The following INTS7 variants were observed in gnomAD, a reference collection of about 807,000 sequenced individuals.
INTS7 encodes chromosome 1 open reading frame 73.
A neutral mutation model predicts 109.2 loss-of-function variants in INTS7; 46 were observed. The ratio of observed to expected loss-of-function variants is 0.42; its 90% CI spans 0.33 to 0.54. INTS7 has a LOEUF of 0.54. INTS7 is among the 20% of genes least tolerant of loss of function. The pLI is 0.07. For missense variants in INTS7, 929 were observed against 1,132.4 expected (o/e 0.82, Z 2.58); for synonymous variants, 412 against 402.9 (o/e 1.02, Z -0.27).
intron 8 of INTS7, 145 bp downstream of exon 8, chr1:211,987,741 A>C (rs187604639): frequency 9.4e-4 from 415 of 439,306 alleles, no homozygotes; most frequent in Non-Finnish European, 1.4e-3. Context: ...TTAAGAAATC[A>C]TGTTCAAATA....
At chr1:211,984,126 A>G (rs981096113) in intron 8 of INTS7, among the ~76,000 whole-genome samples, 2 of 152,030 alleles carry the variant, frequency 1.3e-5, no homozygotes, top group Admixed American at 6.6e-5. Context: ...TTAGCCTCCC[A>G]AAGTGTAAGC....
At chr1:211,988,580 TAAC>T (rs1281679450) in intron 7 of INTS7, among the ~76,000 whole-genome samples, 1 of 152,128 alleles carries the variant, frequency 6.6e-6, no homozygotes, top group Non-Finnish European at 1.5e-5. Flanking sequence ...TGGTTAATAA[TAAC>T]AATGTATCAA....
At chr1:212,033,894 C>A (rs1667288147) in intron 1 of INTS7, among the ~76,000 whole-genome samples, 1 of 152,098 alleles carries the variant, frequency 6.6e-6, no homozygotes, top group Non-Finnish European at 1.5e-5. Context: ...ACCAGCCTGG[C>A]CAACATGGTG....
chr1:212,020,040 A>G (rs1666623712), intron 3 of INTS7, 82 bp downstream of exon 3: 1 of 1,008,298 alleles, frequency 9.9e-7, no homozygotes, highest in Non-Finnish European at 1.4e-6. Flanking sequence ...ACTCAAAATG[A>G]AAAATGTAAA....
At chr1:212,017,139 A>G (rs1666480002) in intron 3 of INTS7, 116 bp from the exon 4 acceptor site, 1 of 668,810 alleles carries the variant, frequency 1.5e-6, no homozygotes, top group Non-Finnish European at 2.4e-6. Flanking sequence ...AATTCTATGT[A>G]ACTCCAGTTA....
intron 1 of INTS7, among the ~76,000 whole-genome samples, chr1:212,025,061 C>G (rs1666860019): frequency 6.6e-6 from 1 of 152,180 alleles, no homozygotes; most frequent in Non-Finnish European, 1.5e-5. Context: ...AAACGTGTTC[C>G]CTGTGAGATG....
At chr1:212,005,111 C>T (rs1377209949) in intron 7 of INTS7, among the ~76,000 whole-genome samples, 1 of 151,956 alleles carries the variant, frequency 6.6e-6, no homozygotes, top group Non-Finnish European at 1.5e-5. Flanking sequence ...TTGCAATAGG[C>T]CCATGCGGAA....
At position 211,946,412 on chromosome 1, in the gene INTS7, G is replaced by A. The variant is rs1662848932; in HGVS notation, c.2415+195C>T. Reference sequence around the variant, plus strand: ...GCAGGAGAATCGCTTGAACCCGGAGGTTGCGGTGAGCCAAAATCACACCAC... The same window carrying A: ...GCAGGAGAATCGCTTGAACCCGGAGATTGCGGTGAGCCAAAATCACACCAC... On this transcript the variant is annotated intron_variant, in intron 18 of 19. Transcript: ENST00000366994. This position sits in a 1 kb window ranked among gnomAD's most constrained non-coding sequence, Gnocchi z 4.3. Among the ~76,000 whole-genome samples the A allele has an allele frequency of 6.6e-6, 1 of 152,192 alleles. No individual in the cohort carries two copies.
At chr1:212,025,145 C>T (rs542488260) in intron 1 of INTS7, among the ~76,000 whole-genome samples, 76 of 152,250 alleles carry the variant, frequency 5.0e-4, no homozygotes, top group African/African-American at 1.8e-3. Context: ...TAATAAACTG[C>T]GTGATTTGTG....
chr1:212,027,321 G>A (rs758888323), intron 1 of INTS7, among the ~76,000 whole-genome samples: 7 of 152,088 alleles, frequency 4.6e-5, no homozygotes, highest in Non-Finnish European at 8.8e-5. Flanking sequence ...GTATAAGAGG[G>A]GCTAGACATT....
In INTS7 at chr1:211,952,979, C is replaced by T. The variant is rs776776003; in HGVS notation, c.2184-278G>A. 3.9e-4 allele frequency among the ~76,000 whole-genome samples: 60 copies of T among 152,216 alleles called. No individual in the cohort carries two copies. In the Middle Eastern group the frequency reaches 0.01, roughly 26 times the overall value. On this transcript the variant is annotated intron_variant, in intron 16 of 19. Transcript: ENST00000366994. ...AGGAAATATGACAGTGTTACTGCCA[C>T]AGGTGAAAGAGACATAAACACATCT...
intron 1 of INTS7, among the ~76,000 whole-genome samples, chr1:212,024,220 G>T (rs1453152133): frequency 6.6e-6 from 1 of 151,780 alleles, no homozygotes; most frequent in Non-Finnish European, 1.5e-5. Context: ...AATTTTAGAA[G>T]AGTTTTTTTT....
chr1:211,953,476 T>C (rs1003639408), intron 16 of INTS7, among the ~76,000 whole-genome samples: 1 of 151,698 alleles, frequency 6.6e-6, no homozygotes, highest in East Asian at 1.9e-4. Flanking sequence ...TGTATACATG[T>C]GCCATGTTGG....
At position 212,020,112 on chromosome 1, in the gene INTS7, C is replaced by T. The variant is rs147646148; in HGVS notation, c.371+10G>A. 1,601 of 1,539,592 alleles carry T rather than the reference C, an allele frequency of 1.0e-3. 13 individuals carry two copies. In the African/African-American group the frequency reaches 0.019, roughly 18 times the overall value. Reference sequence around the variant, plus strand: ...AATCTCATAGTGAATTATTATAATACGGTATATACCGGAGGGTGATGGCTC... The same window carrying T: ...AATCTCATAGTGAATTATTATAATATGGTATATACCGGAGGGTGATGGCTC... On this transcript the variant is annotated intron_variant, in intron 3 of 19. Coordinates refer to ENST00000366994, the MANE Select transcript of INTS7 (RefSeq NM_015434.4).
At chr1:212,003,337 G>C (rs1219917950) in intron 7 of INTS7, among the ~76,000 whole-genome samples, 1 of 143,266 alleles carries the variant, frequency 7.0e-6, no homozygotes, top group Non-Finnish European at 1.5e-5. Context: ...CCTTCAAAGA[G>C]TATTACTATT....
chr1:211,945,354 T>C (rs995028862), intron 18 of INTS7, among the ~76,000 whole-genome samples: 4 of 152,088 alleles, frequency 2.6e-5, no homozygotes, highest in Non-Finnish European at 5.9e-5. Context: ...TAAACTAAAT[T>C]CAAATGTAAA....
At position 211,978,439 on chromosome 1, in the gene INTS7, A is replaced by G. The variant is rs1374602589; in HGVS notation, c.1303T>C (p.Leu435=). The change falls in exon 11 of 20, where the codon TTG becomes CTG. Residue 435 remains leucine, a synonymous_variant. Coordinates refer to ENST00000366994, the MANE Select transcript of INTS7 (RefSeq NM_015434.4). ...TCTTGAGCACTGTGCAATTGAGTCA[A>G]CAAGGTCTCAACTACTGACTGGCTA... ...HLSQSVVETL[L]TQLHSAQDAA... 3.7e-6 allele frequency: 6 copies of G among 1,614,110 alleles called. No homozygotes were observed. The African/African-American group carries it at 8.0e-5, about 22-fold the overall frequency.
intron 1 of INTS7, among the ~76,000 whole-genome samples, chr1:212,033,604 G>C (rs200992255): frequency 6.6e-6 from 1 of 152,120 alleles, no homozygotes; most frequent in South Asian, 2.1e-4. Flanking sequence ...CTCCTCTTCA[G>C]TGCCCCATCT....
At chr1:212,020,683 G>A in intron 2 of INTS7, 2 of 973,300 alleles carry the variant, frequency 2.1e-6, no homozygotes, top group Non-Finnish European at 2.5e-6. Context: ...GGAATGGTCG[G>A]GGGAGAAAAA....
Sources: allele counts gnomAD v4.1 joint callset (sites outside exome capture counted in the v4.1 genomes callset), GRCh38; gene constraint gnomAD v4.1.1; non-coding constraint Gnocchi (gnomAD v3.1); transcripts MANE v1.5; gene names NCBI Gene and HGNC (gene_info 2026-07-23, HGNC 2026-07-21).